Variants in WAPL observed in about 807,000 individuals in gnomAD.
WAPL encodes the protein WAPL cohesin release factor.
A neutral mutation model predicts 121.0 loss-of-function variants in WAPL; 5 were observed. That is an observed-to-expected ratio of 0.04 (90% CI 0.02 to 0.09). WAPL has a LOEUF of 0.09. WAPL is among the 10% of genes least tolerant of loss of function. The pLI, the probability that WAPL is intolerant of heterozygous loss-of-function variation, is 1.00. For synonymous variants in WAPL, 480 were observed against 481.5 expected, an observed-to-expected ratio of 1.00 and a Z score of 0.04; for missense variants, 999 against 1,410.8, an observed-to-expected ratio of 0.71 and a Z score of 4.68.
chr10:86,498,804 G>T (rs1240726480), intron 3 of WAPL, among the ~76,000 whole-genome samples: 1 of 152,140 alleles, frequency 6.6e-6, no homozygotes, highest in Non-Finnish European at 1.5e-5. Context: ...AGTGGAGACT[G>T]AACTCCTTGA....
intron 12 of WAPL, among the ~76,000 whole-genome samples, chr10:86,456,348 G>T (rs1187821226): frequency 7.3e-6 from 1 of 136,814 alleles, no homozygotes; most frequent in Non-Finnish European, 1.6e-5. Flanking sequence ...AAAACCCAAA[G>T]AAATATTTGT....
At chr10:86,443,978 C>G (rs4934211) in intron 16 of WAPL, 1 of 153,118 alleles carries the variant, frequency 6.5e-6, no homozygotes, top group Admixed American at 6.5e-5. Context: ...AAGCCCTGAT[C>G]GTGCCACTGC....
chr10:86,488,041 T>TA (rs1443103207), intron 4 of WAPL, among the ~76,000 whole-genome samples: 1 of 152,138 alleles, frequency 6.6e-6, no homozygotes, highest in Non-Finnish European at 1.5e-5. Flanking sequence ...ACTAGTTACA[T>TA]ACATGACGAT....
intron 8 of WAPL, 32 bp from the exon 9 acceptor site, chr10:86,467,538 A>G: frequency 1.3e-6 from 2 of 1,533,496 alleles, no homozygotes; most frequent in Non-Finnish European, 1.8e-6. Flanking sequence ...AAAGAAAAAA[A>G]ACTTCATGTA....
intron 2 of WAPL, among the ~76,000 whole-genome samples, chr10:86,510,804 C>T (rs943895236): frequency 2.0e-5 from 3 of 151,824 alleles, no homozygotes; most frequent in Non-Finnish European, 4.4e-5. Context: ...AAACTTTATT[C>T]GGTAAGTATT....
intron 4 of WAPL, among the ~76,000 whole-genome samples, chr10:86,476,243 C>G (rs1431497044): frequency 6.6e-6 from 1 of 151,800 alleles, no homozygotes; most frequent in Non-Finnish European, 1.5e-5. Context: ...TGGGCACCTG[C>G]AGTCCCAGCT....
At chr10:86,443,225 C>T (rs1849517160) in intron 17 of WAPL, 50 bp downstream of exon 17, 1 of 1,437,092 alleles carries the variant, frequency 7.0e-7, no homozygotes, top group Non-Finnish European at 9.8e-7. Context: ...GAAGTCGTTA[C>T]ATTGGAATCT....
chr10:86,472,885 C>T lies in WAPL; in HGVS notation c.1741-121G>A. The T allele has an allele frequency of 9.7e-7, 1 of 1,035,314 alleles. No individual in the cohort carries two copies. The highest frequency in any genetic ancestry group is 1.3e-6 in the Non-Finnish European group (1 of 747,220). 64.1% of individuals were successfully genotyped at this position (1,035,314 alleles called of 1,614,324 possible). A position where few individuals can be genotyped will look rare whatever the true frequency, so the allele number is the denominator to read the frequency against. ...ATAAAGCTTTTTAAAAAGCAGGGAG[C>T]AGGGAGGCCTCTCAAAGGTCTTTAG... On this transcript the variant is annotated intron_variant, in intron 5 of 18. Transcript: ENST00000298767. The surrounding 1 kb of genome is among the most constrained non-coding windows in gnomAD (Gnocchi z 4.2).
chr10:86,497,370 CCAGA>C, intron 3 of WAPL, 51 bp from the exon 4 acceptor site: 1 of 1,302,196 alleles, frequency 7.7e-7, no homozygotes, highest in East Asian at 2.3e-5. Context: ...AAATTACCTA[CCAGA>C]CAACCTATCA....
intron 4 of WAPL, among the ~76,000 whole-genome samples, chr10:86,479,553 CA>C (rs556065650): frequency 6.7e-6 from 1 of 150,124 alleles, no homozygotes; most frequent in Non-Finnish European, 1.5e-5. Flanking sequence ...AGCGCACAGC[CA>C]AAAAAAAGGA....
rs1849617734 is a variant in WAPL, at chr10:86,446,329, T to C, written c.3235A>G (p.Ile1079Val). Residue 1079 changes from isoleucine to valine, a missense_variant, in exon 16 of 19, where the codon ATA becomes GTA. Ile to Val is a conservative substitution (Grantham distance 29, BLOSUM62 3). Around this residue, in one of 7 missense-constraint regions of WAPL, gnomAD observed 126 missense variants for 144.0 expected, o/e 0.87. Transcript: ENST00000298767. Reference sequence around the variant, plus strand: ...GTCTTTTCAGTTGACACCCACTGTATTTCTCCACTTGTTTCTTGCCACTCT... The same window carrying C: ...GTCTTTTCAGTTGACACCCACTGTACTTCTCCACTTGTTTCTTGCCACTCT... ...SGEWQETSGEIQWVSTEKTDG... is the reference protein window; with the variant it reads ...SGEWQETSGEVQWVSTEKTDG... 1 of 1,614,206 alleles carries C rather than the reference T, an allele frequency of 6.2e-7. No individual in the cohort carries two copies. Among genetic ancestry groups the C allele is most frequent in the Non-Finnish European group, 8.5e-7 (1 of 1,180,038 alleles).
rs1841548992 is a variant in WAPL, at chr10:86,472,231, C to T, written c.2007G>A (p.Gln669=). The change falls in exon 7 of 19, where the codon CAG becomes CAA. Residue 669 remains glutamine (Q), a synonymous_variant. Coordinates refer to ENST00000298767, the MANE Select transcript of WAPL (RefSeq NM_015045.5). This position sits in a 1 kb window ranked among gnomAD's most constrained non-coding sequence, Gnocchi z 4.2. The part of the protein sequence containing the change: ...EYLLSGLKST[Q]PLNTRCLSVI... ...ACCTAAGGCAACGTGTGTTTAGAGG[C>T]TGAGTGCTCTTTAAGCCACTTAACA... is the stretch of plus-strand genomic sequence containing the variant. The T allele has an allele frequency of 3.2e-6, 5 of 1,581,814 alleles. No individual in the cohort carries two copies. The highest frequency in any genetic ancestry group is 4.3e-6 in the Non-Finnish European group (5 of 1,171,574).
Position 86,517,921 on chromosome 10 carries a change from T to G in WAPL, c.149A>C (p.Asn50Thr). 14 of 1,614,202 alleles carry G rather than the reference T, an allele frequency of 8.7e-6. No homozygotes were observed. Among genetic ancestry groups the G allele is most frequent in the Non-Finnish European group, 1.1e-5 (13 of 1,180,026 alleles). Residue 50 changes from asparagine to threonine, a missense_variant, in exon 2 of 19, where the codon AAT (asparagine) becomes ACT (threonine). This residue lies in a region of WAPL where 531 missense variants were observed against 563.1 expected (regional missense o/e 0.94). Coordinates refer to ENST00000298767, the MANE Select transcript of WAPL (RefSeq NM_015045.5). The part of the protein sequence containing the change: ...FMAKLGQKRP[N>T]FKPDIQEIPK... ...AATTTCTTGGATATCTGGTTTGAAA[T>G]TGGGCCTCTTCTGCCCTAATTTAGC...
At chr10:86,443,966 G>GT (rs1849538253) in intron 16 of WAPL, 1 of 154,418 alleles carries the variant, frequency 6.5e-6, no homozygotes, top group African/African-American at 2.4e-5. Context: ...CAAGGCTGCA[G>GT]TAAGCCCTGA....
At position 86,500,451 on chromosome 10, in the gene WAPL, C is replaced by T; in HGVS notation, c.792G>A (p.Lys264=). The change falls in exon 3 of 19, where the codon AAG becomes AAA. Residue 264 remains lysine, a synonymous_variant. Coordinates refer to ENST00000298767, the MANE Select transcript of WAPL (RefSeq NM_015045.5). ...SLDSDPLLEM[K]DDDFKNRLEN... ...CCAATCGATTTTTAAAATCGTCATC[C>T]TTCATCTCCAAAAGGGGATCACTAT... 1 of 1,614,198 alleles carries T rather than the reference C, an allele frequency of 6.2e-7. No individual in the cohort carries two copies. The highest frequency in any genetic ancestry group is 8.5e-7 in the Non-Finnish European group (1 of 1,180,040).
chr10:86,468,118 ACTATG>A (rs747322827), intron 8 of WAPL, among the ~76,000 whole-genome samples: 11 of 152,208 alleles, frequency 7.2e-5, no homozygotes, highest in Admixed American at 1.3e-4. Context: ...CTTAGGCTAT[ACTATG>A]CTAAGAGTTT....
chr10:86,474,377 TG>T (rs2132194995), intron 4 of WAPL, among the ~76,000 whole-genome samples: 1 of 152,098 alleles, frequency 6.6e-6, no homozygotes, highest in African/African-American at 2.4e-5. Context: ...TAGCTGGGCA[TG>T]GTGGCAGGCA....
At chr10:86,509,995 A>G (rs1842426916) in intron 2 of WAPL, among the ~76,000 whole-genome samples, 1 of 145,060 alleles carries the variant, frequency 6.9e-6, no homozygotes, top group African/African-American at 2.6e-5. Flanking sequence ...CGAACTGCTG[A>G]CCTCGTGATC....
At chr10:86,499,092 A>C (rs1370718331) in intron 3 of WAPL, among the ~76,000 whole-genome samples, 1 of 152,198 alleles carries the variant, frequency 6.6e-6, no homozygotes, top group Non-Finnish European at 1.5e-5. Flanking sequence ...GTCAAGTGGA[A>C]ACATCACGAT....
Sources: allele counts gnomAD v4.1 joint callset (sites outside exome capture counted in the v4.1 genomes callset), GRCh38; gene constraint gnomAD v4.1.1; regional missense constraint gnomAD v4.1.1; non-coding constraint Gnocchi (gnomAD v3.1); transcripts MANE v1.5; gene names NCBI Gene and HGNC (gene_info 2026-07-23, HGNC 2026-07-21).